ABR: variants seen among roughly 807,000 people sequenced by gnomAD.
The protein encoded by ABR is ABR activator of RhoGEF and GTPase.
Under a neutral mutation model 107.2 loss-of-function variants are expected in ABR, and 35 were observed. That is an observed-to-expected ratio of 0.33 (90% CI 0.25 to 0.43). The LOEUF (loss-of-function observed/expected upper bound fraction) is 0.43, where lower values mean the gene tolerates loss of function less well. Ranked by LOEUF, ABR falls within the 20% of genes least tolerant of loss-of-function variation. The pLI is 1.00. For missense variants in ABR, 815 were observed against 1,115.2 expected (o/e 0.73, Z 3.83); for synonymous variants, 498 against 462.0 (o/e 1.08, Z -1.00).
chr17:1,108,868 C>T, intron 2 of ABR: 1 of 1,485,716 alleles, frequency 6.7e-7, no homozygotes, highest in Non-Finnish European at 8.9e-7. Context: ...TCAGCCATTT[C>T]TCCCGCGCAC....
upstream of ABR, among the ~76,000 whole-genome samples, chr17:1,182,658 G>A (rs563547966): frequency 2.6e-5 from 4 of 152,254 alleles, no homozygotes; most frequent in South Asian, 4.2e-4. Flanking sequence ...GAGCCACCGC[G>A]CCCGGCCTGT....
At position 1,021,771 on chromosome 17, in the gene ABR, C is replaced by T. The variant is rs375205841; in HGVS notation, c.1792-8607G>A. On this transcript the variant is annotated intron_variant, in intron 16 of 22. Coordinates refer to ENST00000302538, the MANE Select transcript of ABR (RefSeq NM_021962.5). ...GTGAGCCGGAGTTGAGATTGTGCCA[C>T]TGCACTCCAGCCTGGCGGCAGAAAA... 1.8e-4 allele frequency among the ~76,000 whole-genome samples: 27 copies of T among 150,142 alleles called. 1 individual carries two copies. The highest frequency in any genetic ancestry group is 6.3e-4 in the South Asian group (3 of 4,772).
At chr17:1,101,915 A>T (rs1425545525) in intron 2 of ABR, among the ~76,000 whole-genome samples, 3 of 151,956 alleles carry the variant, frequency 2.0e-5, no homozygotes, top group African/African-American at 7.2e-5. Flanking sequence ...TTGTATTTTT[A>T]GTAGAGCCGG....
intron 1 of ABR, among the ~76,000 whole-genome samples, chr17:1,208,173 A>T (rs2042832646): frequency 6.6e-6 from 1 of 152,150 alleles, no homozygotes; most frequent in South Asian, 2.1e-4. Context: ...TTTATAAAAG[A>T]GAAGTTGCTC....
At chr17:1,209,164 A>C (rs1333434921) in intron 1 of ABR, among the ~76,000 whole-genome samples, 1 of 151,916 alleles carries the variant, frequency 6.6e-6, no homozygotes, top group Non-Finnish European at 1.5e-5. Flanking sequence ...GATAGAGTTC[A>C]TGGGAGCCTG....
chr17:1,082,217 G>A (rs923521455), intron 5 of ABR, among the ~76,000 whole-genome samples: 3 of 152,116 alleles, frequency 2.0e-5, no homozygotes, highest in African/African-American at 7.2e-5. Context: ...CCCTGAGCTG[G>A]GGGCTGTTCC....
chr17:1,069,635 G>T (rs547566674), intron 9 of ABR, among the ~76,000 whole-genome samples: 1 of 152,236 alleles, frequency 6.6e-6, no homozygotes, highest in East Asian at 1.9e-4. Context: ...TCGCACCACT[G>T]CACTCCAGCC....
intron 1 of ABR, among the ~76,000 whole-genome samples, chr17:1,224,532 T>C (rs2043179486): frequency 6.6e-6 from 1 of 152,088 alleles, no homozygotes; most frequent in Non-Finnish European, 1.5e-5. Context: ...TGAATGCAGA[T>C]AATGAGTGTG....
intron 16 of ABR, among the ~76,000 whole-genome samples, chr17:1,029,393 G>C (rs1475660711): frequency 6.6e-6 from 1 of 152,100 alleles, no homozygotes; most frequent in African/African-American, 2.4e-5. Flanking sequence ...ACTATTTAAA[G>C]GCTCAGTTCT....
intron 1 of ABR, among the ~76,000 whole-genome samples, chr17:1,164,655 T>C (rs1242235077): frequency 6.6e-6 from 1 of 152,218 alleles, no homozygotes; most frequent in African/African-American, 2.4e-5. Flanking sequence ...TCCTAAGTTT[T>C]GTATGGGATA....
chr17:1,058,728 C>T lies in ABR; in HGVS notation c.1305+17G>A, dbSNP rs1319672037. On this transcript the variant is annotated intron_variant, in intron 11 of 22. Coordinates refer to ENST00000302538, the MANE Select transcript of ABR (RefSeq NM_021962.5). ...TAAGGAAGGGGCTGTCTTGGTCCCA[C>T]CCCCACCCATCCTGACCTTTCCATT... 4 of 1,613,228 alleles carry T rather than the reference C, an allele frequency of 2.5e-6. No individual in the cohort carries two copies. The highest frequency in any genetic ancestry group is 3.4e-6 in the Non-Finnish European group (4 of 1,179,536).
In ABR at chr17:1,125,230, C is replaced by A. The variant is rs148912251; in HGVS notation, c.199G>T (p.Gly67Trp). The A allele has an allele frequency of 1.6e-5, 25 of 1,609,920 alleles. 1 individual carries two copies. Among genetic ancestry groups the A allele is most frequent in the South Asian group, 3.3e-5 (3 of 90,760 alleles). The change falls in exon 2 of 23, where the codon GGG becomes TGG. Residue 67 changes from glycine to tryptophan, a missense_variant. By Grantham distance (184) the Gly-to-Trp change is radical. Around this residue, in one of 5 missense-constraint regions of ABR, gnomAD observed 129 missense variants for 124.8 expected, o/e 1.03. Transcript: ENST00000302538. ...SPQLSARSQGGGDGVSPTPPE... is the reference protein window; with the variant it reads ...SPQLSARSQGWGDGVSPTPPE... ...GGAGTCGGGGAGACGCCATCCCCCC[C>A]GCCCTGGCTGCGGGCGCTGAGCTGC...
chr17:1,178,740 T>G (rs1446363638), intron 1 of ABR, among the ~76,000 whole-genome samples: 1 of 151,202 alleles, frequency 6.6e-6, no homozygotes, highest in Admixed American at 6.6e-5. Flanking sequence ...ATCCACTATG[T>G]AAGCCCAGGA....
In ABR at chr17:1,071,236, C is replaced by G. The variant is rs1365092628; in HGVS notation, c.895-1146G>C. On this transcript the variant is annotated intron_variant, in intron 8 of 22. Transcript: ENST00000302538. The surrounding 1 kb of genome is among the most constrained non-coding windows in gnomAD (Gnocchi z 5.1). ...TTTTTCAGATATCCCCAGAGTAAAA[C>G]AGACGACGGGATCCCCAGACGCTGC... 6.6e-6 allele frequency among the ~76,000 whole-genome samples: 1 copy of G among 152,188 alleles called. No homozygotes were observed. Among genetic ancestry groups the G allele is most frequent in the African/African-American group, 2.4e-5 (1 of 41,436 alleles).
intron 10 of ABR, among the ~76,000 whole-genome samples, chr17:1,060,714 T>C (rs1384016426): frequency 6.6e-6 from 1 of 151,858 alleles, no homozygotes; most frequent in Non-Finnish European, 1.5e-5. Flanking sequence ...AGAACAAGGC[T>C]GAGCACGGTG....
rs57412625 is a variant in ABR at position 1,079,788 on chromosome 17, C to CAAAAAAAAAAAAAAAAAA, written c.640-416_640-399dup. Among the ~76,000 whole-genome samples the CAAAAAAAAAAAAAAAAAA allele has an allele frequency of 1.3e-4, 7 of 55,112 alleles. 1 individual carries two copies. Among genetic ancestry groups the CAAAAAAAAAAAAAAAAAA allele is most frequent in the South Asian group, 1.2e-3 (1 of 866 alleles). 36.2% of individuals were successfully genotyped at this position (55,112 alleles called of 152,430 possible). ...TGGGCAACAGGGCGAGACTCTGTCT[C>CAAAAAAAAAAAAAAAAAA]AAAAAAAAAAAAAAAAAAAAAAAAA... On this transcript the variant is annotated intron_variant, in intron 5 of 22. Coordinates refer to ENST00000302538, the MANE Select transcript of ABR (RefSeq NM_021962.5).
Position 1,050,428 on chromosome 17 carries a change from G to C in ABR, c.1659+109C>G, listed in dbSNP as rs111310949. The C allele has an allele frequency of 4.7e-5, 52 of 1,105,484 alleles. No individual in the cohort carries two copies. Among genetic ancestry groups the C allele is most frequent in the Middle Eastern group, 5.4e-4 (2 of 3,714 alleles). 68.5% of individuals were successfully genotyped at this position (1,105,484 alleles called of 1,614,324 possible). A position where few individuals can be genotyped will look rare whatever the true frequency, so the allele number is the denominator to read the frequency against. On this transcript the variant is annotated intron_variant, in intron 15 of 22. Transcript: ENST00000302538. The surrounding 1 kb of genome is among the most constrained non-coding windows in gnomAD (Gnocchi z 4.6). The stretch of plus-strand genomic sequence containing the variant: ...AGCCAGAGGAGCAGGGAGCAGAAAG[G>C]GGGGTGCAGACATAGCTGGTCCAAC...
At chr17:1,096,421 C>T (rs1487349813) in intron 3 of ABR, among the ~76,000 whole-genome samples, 1 of 152,170 alleles carries the variant, frequency 6.6e-6, no homozygotes, top group African/African-American at 2.4e-5. Flanking sequence ...GAGGCCACCC[C>T]GAAGAGCAGA....
chr17:1,079,430 C>T (rs1052383113), intron 5 of ABR, 40 bp from the exon 6 acceptor site: 9 of 1,571,046 alleles, frequency 5.7e-6, no homozygotes, highest in Admixed American at 1.7e-5. Flanking sequence ...TGTTCTGTCC[C>T]TCACCTCTCC....
Sources: allele counts gnomAD v4.1 joint callset (sites outside exome capture counted in the v4.1 genomes callset), GRCh38; gene constraint gnomAD v4.1.1; regional missense constraint gnomAD v4.1.1; non-coding constraint Gnocchi (gnomAD v3.1); transcripts MANE v1.5; gene names NCBI Gene and HGNC (gene_info 2026-07-23, HGNC 2026-07-21).